The following PALM2AKAP2 variants were observed in gnomAD, a reference collection of about 807,000 sequenced individuals.
The protein encoded by PALM2AKAP2 is PALM2 and AKAP2 fusion.
A neutral mutation model predicts 71.5 loss-of-function variants in PALM2AKAP2; 37 were observed. The ratio of observed to expected loss-of-function variants is 0.52; its 90% CI spans 0.40 to 0.68. The LOEUF (loss-of-function observed/expected upper bound fraction) is 0.68, where lower values mean the gene tolerates loss of function less well. PALM2AKAP2 is among the 30% of genes least tolerant of loss of function. PALM2AKAP2 has a pLI of 0.00. For synonymous variants in PALM2AKAP2, 468 were observed against 478.8 expected, an observed-to-expected ratio of 0.98 and a Z score of 0.29; for missense variants, 1,224 against 1,191.8, an observed-to-expected ratio of 1.03 and a Z score of -0.40.
intron 1 of PALM2AKAP2, among the ~76,000 whole-genome samples, chr9:110,053,553 AAAAG>A (rs1358693893): frequency 1.9e-4 from 28 of 151,156 alleles, no homozygotes; most frequent in African/African-American, 5.1e-4. Flanking sequence ...AAAAAAGAAA[AAAAG>A]AAAGAAAGAA....
At chr9:110,034,631 A>G (rs1440239294) in intron 7 of PALM2AKAP2, among the ~76,000 whole-genome samples, 1 of 110,790 alleles carries the variant, frequency 9.0e-6, no homozygotes, top group African/African-American at 4.0e-5. Context: ...TTTTTTTGAG[A>G]CACAGTTTCG....
chr9:110,092,810 A>G (rs775681303), intron 1 of PALM2AKAP2, among the ~76,000 whole-genome samples: 15 of 152,180 alleles, frequency 9.9e-5, no homozygotes, highest in Non-Finnish European at 2.1e-4. Context: ...TGCTTGCTGT[A>G]TCAAGGTGAC....
At chr9:110,075,128 C>G (rs1834292801) in intron 1 of PALM2AKAP2, among the ~76,000 whole-genome samples, 1 of 152,250 alleles carries the variant, frequency 6.6e-6, no homozygotes, top group South Asian at 2.1e-4. Flanking sequence ...AAATTCTGGC[C>G]GAATGTCGGT....
chr9:109,887,870 A>T (rs185445339), intron 3 of PALM2AKAP2, among the ~76,000 whole-genome samples: 1 of 152,230 alleles, frequency 6.6e-6, no homozygotes, highest in South Asian at 2.1e-4. Flanking sequence ...GTGAAATTAC[A>T]CTAACGTGCA....
At chr9:110,093,131 C>T (rs1378805408) in intron 1 of PALM2AKAP2, among the ~76,000 whole-genome samples, 6 of 152,138 alleles carry the variant, frequency 3.9e-5, no homozygotes, top group Non-Finnish European at 5.9e-5. Flanking sequence ...TCTGCAGGGA[C>T]GTTCAGGCCA....
At chr9:110,021,114 A>G in intron 7 of PALM2AKAP2, among the ~76,000 whole-genome samples, 1 of 152,174 alleles carries the variant, frequency 6.6e-6, no homozygotes, top group African/African-American at 2.4e-5. Flanking sequence ...TCAGAAAATA[A>G]TACTAATAAT....
intron 5 of PALM2AKAP2, among the ~76,000 whole-genome samples, chr9:109,930,458 TC>T (rs1831069603): frequency 6.6e-6 from 1 of 152,176 alleles, no homozygotes; most frequent in Admixed American, 6.5e-5. Flanking sequence ...GCTCCTGACC[TC>T]AGGTGATCCA....
chr9:110,121,026 C>T (rs1017138727), intron 1 of PALM2AKAP2, among the ~76,000 whole-genome samples: 26 of 152,072 alleles, frequency 1.7e-4, no homozygotes, highest in South Asian at 4.1e-4. Context: ...TCTTCTCAAC[C>T]CTCTGCTCTG....
At chr9:109,930,757 A>G (rs1812017273) in intron 5 of PALM2AKAP2, among the ~76,000 whole-genome samples, 1 of 152,198 alleles carries the variant, frequency 6.6e-6, no homozygotes. Context: ...GGGGTCAGTG[A>G]TGAGAAATGC....
At chr9:109,713,922 T>C (rs1409347282) in intron 1 of PALM2AKAP2, among the ~76,000 whole-genome samples, 2 of 152,330 alleles carry the variant, frequency 1.3e-5, no homozygotes, top group African/African-American at 4.8e-5. Flanking sequence ...TATTAGCTCA[T>C]CAACTGTAGC....
chr9:109,900,066 A>G (rs1393732581), intron 3 of PALM2AKAP2, among the ~76,000 whole-genome samples: 1 of 152,230 alleles, frequency 6.6e-6, no homozygotes, highest in Non-Finnish European at 1.5e-5. Context: ...GAAAACAATG[A>G]CAAAAGTGCA....
chr9:110,166,628 A>G (rs1836740681), intron 3 of PALM2AKAP2, among the ~76,000 whole-genome samples: 1 of 152,236 alleles, frequency 6.6e-6, no homozygotes, highest in African/African-American at 2.4e-5. Context: ...TACAAAACAC[A>G]TTATGCAAAA....
intron 2 of PALM2AKAP2, among the ~76,000 whole-genome samples, 181 bp downstream of exon 8, chr9:110,138,720 G>C (rs1228110756): frequency 6.6e-6 from 1 of 152,234 alleles, no homozygotes; most frequent in African/African-American, 2.4e-5. Flanking sequence ...GTGTCCTCTA[G>C]AAGAACCCTG....
intron 1 of PALM2AKAP2, among the ~76,000 whole-genome samples, chr9:109,808,338 G>A (rs1827635762): frequency 6.6e-6 from 1 of 152,330 alleles, no homozygotes; most frequent in Non-Finnish European, 1.5e-5. Context: ...AGGGAGATGA[G>A]GAGCAAAGGA....
At chr9:109,947,997 A>G (rs1220063024) in intron 6 of PALM2AKAP2, among the ~76,000 whole-genome samples, 1 of 152,224 alleles carries the variant, frequency 6.6e-6, no homozygotes, top group Non-Finnish European at 1.5e-5. Flanking sequence ...ACACAGCAAG[A>G]GCACACAGTT....
chr9:110,085,568 T>C (rs761031027), intron 1 of PALM2AKAP2, among the ~76,000 whole-genome samples: 6 of 152,236 alleles, frequency 3.9e-5, no homozygotes, highest in Non-Finnish European at 8.8e-5. Flanking sequence ...TTGAGGAATA[T>C]AGTTAACTTC....
At chr9:110,139,838 G>A (rs1479261745) in intron 2 of PALM2AKAP2, among the ~76,000 whole-genome samples, 1 of 152,168 alleles carries the variant, frequency 6.6e-6, no homozygotes, top group Non-Finnish European at 1.5e-5. Flanking sequence ...GCTCCCTAAT[G>A]TGGGTCTCTG....
At chr9:110,104,205 C>T (rs1835064558) in intron 1 of PALM2AKAP2, among the ~76,000 whole-genome samples, 1 of 151,726 alleles carries the variant, frequency 6.6e-6, no homozygotes, top group African/African-American at 2.4e-5. Flanking sequence ...GGTAAGGTAT[C>T]GTATTTTGAG....
intron 1 of PALM2AKAP2, among the ~76,000 whole-genome samples, chr9:110,125,044 G>A (rs1231355008): frequency 6.6e-6 from 1 of 152,110 alleles, no homozygotes; most frequent in East Asian, 1.9e-4. Flanking sequence ...GTGAGCATTT[G>A]TTATCACACA....
Sources: gnomAD v4.1 joint callset for allele counts (sites outside exome capture counted in the v4.1 genomes callset) on GRCh38, gnomAD v4.1.1 for gene constraint, MANE v1.5 for transcripts, NCBI Gene and HGNC (gene_info 2026-07-23, HGNC 2026-07-21) for gene names.